CCDC144A: variants seen among roughly 807,000 people sequenced by gnomAD.
The protein encoded by CCDC144A is coiled-coil domain-containing protein 144A.
In CCDC144A, 41 loss-of-function variants were observed where a neutral mutation model predicts 143.8. That is an observed-to-expected ratio of 0.29 (90% CI 0.22 to 0.37). CCDC144A has a LOEUF of 0.37. Ranked by LOEUF, CCDC144A falls within the 10% of genes least tolerant of loss-of-function variation. The probability of loss-of-function intolerance (pLI) is 1.00; values close to 1 mark genes in which losing one functional copy is unlikely to be tolerated. For synonymous variants in CCDC144A, 242 were observed against 517.9 expected (o/e 0.47, Z 7.23); for missense variants, 637 against 1,488.8 (o/e 0.43, Z 9.41).
upstream of CCDC144A, among the ~76,000 whole-genome samples, chr17:16,686,961 C>T (rs1030118405): frequency 1.3e-5 from 2 of 152,056 alleles, no homozygotes; most frequent in East Asian, 3.9e-4. Context: ...GCAGTCCTCA[C>T]CCCAGCTAGG....
At chr17:16,736,454 G>A (rs530526091) in intron 12 of CCDC144A, among the ~76,000 whole-genome samples, 3 of 151,796 alleles carry the variant, frequency 2.0e-5, no homozygotes, top group Admixed American at 1.3e-4. Context: ...TGGGACAGAT[G>A]TGAATTTCAG....
chr17:16,667,562 G>A, the CCDC144A span, among the ~76,000 whole-genome samples: 1 of 152,190 alleles, frequency 6.6e-6, no homozygotes, highest in African/African-American at 2.4e-5. Context: ...GAATCCCGGG[G>A]CTGCTTTCTC....
At chr17:16,769,066 A>T (rs1270560468) in intron 15 of CCDC144A, among the ~76,000 whole-genome samples, 2 of 152,170 alleles carry the variant, frequency 1.3e-5, no homozygotes, top group Non-Finnish European at 2.9e-5. Context: ...GTGCAGCCAC[A>T]GTATTTTATC....
chr17:16,766,245 A>G (rs1401461570), intron 15 of CCDC144A: 2 of 152,328 alleles, frequency 1.3e-5, no homozygotes, highest in African/African-American at 4.8e-5. Context: ...TTTCCAAAGG[A>G]GACAGTCAGA....
chr17:16,725,413 A>ATT (rs538426115), intron 8 of CCDC144A, among the ~76,000 whole-genome samples: 1 of 150,920 alleles, frequency 6.6e-6, no homozygotes, highest in African/African-American at 2.4e-5. Flanking sequence ...AGCGATAACT[A>ATT]TTTTTTTCTA....
At chr17:16,669,486 A>G in the CCDC144A span, among the ~76,000 whole-genome samples, 1 of 152,188 alleles carries the variant, frequency 6.6e-6, no homozygotes, top group Non-Finnish European at 1.5e-5. Flanking sequence ...TAGCATTTTA[A>G]CCCAATTTAA....
chr17:16,673,734 C>T, the CCDC144A span, among the ~76,000 whole-genome samples: 2 of 152,032 alleles, frequency 1.3e-5, no homozygotes, highest in Non-Finnish European at 2.9e-5. Flanking sequence ...AATCTATGTC[C>T]CTATAGAATA....
rs1210715198 is a variant in CCDC144A, at chr17:16,710,203, T to C, written c.1578+568T>C. 7.3e-5 allele frequency: 12 copies of C among 163,876 alleles called. No homozygotes were observed. In the East Asian group the frequency reaches 2.1e-3, roughly 28 times the overall value. 10.2% of individuals were successfully genotyped at this position (163,876 alleles called of 1,614,324 possible). On this transcript the variant is annotated intron_variant, in intron 5 of 16. Transcript: ENST00000399273. Reference sequence around the variant, plus strand: ...GTTCGGCATCAATATGGTGACCTCCTGGGAGCGGGGCACCACCAGATTTGC... The same window carrying C: ...GTTCGGCATCAATATGGTGACCTCCCGGGAGCGGGGCACCACCAGATTTGC...
At chr17:16,704,637 C>T (rs531266964) in intron 2 of CCDC144A, among the ~76,000 whole-genome samples, 25 of 151,408 alleles carry the variant, frequency 1.7e-4, no homozygotes, top group Non-Finnish European at 3.2e-4. Flanking sequence ...TCTTATTTTG[C>T]AAATAAATGT....
chr17:16,734,998 A>C lies in CCDC144A; in HGVS notation c.2727A>C (p.Leu909=), dbSNP rs1364337675. 2 of 1,611,032 alleles carry C rather than the reference A, an allele frequency of 1.2e-6. No individual in the cohort carries two copies. The highest frequency in any genetic ancestry group is 1.7e-6 in the Non-Finnish European group (2 of 1,179,258). ...ATGGGAAACAGAACCAAGAAAGACTAGAAATAGAAATGGAATCATACCGTT... is the reference window on the plus strand; with the variant it reads ...ATGGGAAACAGAACCAAGAAAGACTCGAAATAGAAATGGAATCATACCGTT... ...LENGKQNQER[L]EIEMESYRCR... Residue 909 remains leucine, a synonymous_variant, in exon 12 of 17, where the codon CTA becomes CTC. Coordinates refer to ENST00000399273, the MANE Select transcript of CCDC144A (RefSeq NM_001382000.1).
chr17:16,716,419 G>C (rs1466526392), intron 6 of CCDC144A, among the ~76,000 whole-genome samples: 1 of 151,568 alleles, frequency 6.6e-6, no homozygotes, highest in Non-Finnish European at 1.5e-5. Context: ...TGCAATGATA[G>C]TGATATAATG....
intron 12 of CCDC144A, among the ~76,000 whole-genome samples, chr17:16,758,634 C>T (rs1003861486): frequency 1.8e-4 from 27 of 152,252 alleles, no homozygotes; most frequent in African/African-American, 6.0e-4. Flanking sequence ...TTCATGGGAA[C>T]CATCCTCTGT....
At chr17:16,744,684 T>C (rs1287759558) in intron 12 of CCDC144A, among the ~76,000 whole-genome samples, 3 of 152,112 alleles carry the variant, frequency 2.0e-5, no homozygotes, top group African/African-American at 7.2e-5. Context: ...TGGTTCCTTT[T>C]CCTATGCAGA....
At position 16,734,911 on chromosome 17, in the gene CCDC144A, G is replaced by A. The variant is rs1315516809; in HGVS notation, c.2640G>A (p.Gln880=). Residue 880 remains glutamine, a synonymous_variant, in exon 12 of 17, where the codon CAG becomes CAA. Transcript: ENST00000399273. ...NEETLTETIL[Q]YSGQLNNLTA... ...AAACATTAACAGAAACAATACTCCA[G>A]TACAGTGGACAGCTGAACAATCTGA... is the stretch of plus-strand genomic sequence containing the variant. 6.3e-7 allele frequency: 1 copy of A among 1,585,464 alleles called. No individual in the cohort carries two copies. The highest frequency in any genetic ancestry group is 8.6e-7 in the Non-Finnish European group (1 of 1,166,274).
At chr17:16,736,093 CATA>C (rs1403897815) in intron 12 of CCDC144A, among the ~76,000 whole-genome samples, 5 of 150,306 alleles carry the variant, frequency 3.3e-5, no homozygotes, top group Admixed American at 3.3e-4. Flanking sequence ...TGCTGTATCT[CATA>C]ATACTTTTCC....
the CCDC144A span, among the ~76,000 whole-genome samples, chr17:16,670,897 G>A: frequency 1.3e-5 from 2 of 152,044 alleles, no homozygotes; most frequent in African/African-American, 4.8e-5. Flanking sequence ...TAATAAGGTG[G>A]TTAAGAACAT....
chr17:16,702,382 T>G (rs1240223272), intron 2 of CCDC144A, among the ~76,000 whole-genome samples: 1 of 152,206 alleles, frequency 6.6e-6, no homozygotes, highest in Non-Finnish European at 1.5e-5. Context: ...GAGCCTTGTT[T>G]GTGCTAGGGA....
At chr17:16,739,692 C>T (rs1263839149) in intron 12 of CCDC144A, among the ~76,000 whole-genome samples, 1 of 151,514 alleles carries the variant, frequency 6.6e-6, no homozygotes, top group African/African-American at 2.4e-5. Flanking sequence ...TTTTTTACAC[C>T]CTTGTTGAAA....
chr17:16,745,124 TA>T (rs1914434898), intron 12 of CCDC144A, among the ~76,000 whole-genome samples: 1 of 151,694 alleles, frequency 6.6e-6, no homozygotes, highest in Non-Finnish European at 1.5e-5. Context: ...CTACCAGGAC[TA>T]AAACACAGCA....
Sources: gnomAD v4.1 joint callset for allele counts (sites outside exome capture counted in the v4.1 genomes callset) on GRCh38, gnomAD v4.1.1 for gene constraint, MANE v1.5 for transcripts, NCBI Gene and HGNC (gene_info 2026-07-23, HGNC 2026-07-21) for gene names.